VWC2L: variants seen among roughly 807,000 people sequenced by gnomAD.
The protein encoded by VWC2L is von Willebrand factor C domain-containing protein 2-like.
A neutral mutation model predicts 21.6 loss-of-function variants in VWC2L; 10 were observed. The ratio of observed to expected loss-of-function variants is 0.46; its 90% confidence interval spans 0.29 to 0.78. VWC2L has a LOEUF of 0.78. Among genes scored for constraint, VWC2L ranks in the 30% least tolerant of loss-of-function variants. The pLI, the probability that VWC2L is intolerant of heterozygous loss-of-function variation, is 0.10. For synonymous variants in VWC2L, 96 were observed against 94.3 expected, an observed-to-expected ratio of 1.02 and a Z score of -0.10; for missense variants, 209 against 277.1, an observed-to-expected ratio of 0.75 and a Z score of 1.74.
intron 3 of VWC2L, among the ~76,000 whole-genome samples, chr2:214,535,623 G>T (rs986456297): frequency 6.6e-6 from 1 of 152,006 alleles, no homozygotes; most frequent in Non-Finnish European, 1.5e-5. Context: ...TAAACAAAAG[G>T]GTGATCCTTA....
At chr2:214,512,053 A>C (rs972416687) in intron 3 of VWC2L, among the ~76,000 whole-genome samples, 4 of 151,990 alleles carry the variant, frequency 2.6e-5, no homozygotes, top group Admixed American at 2.0e-4. Flanking sequence ...CCTCTCTCAC[A>C]AATGGACTAT....
chr2:214,507,744 T>C (rs1009072753), intron 3 of VWC2L, among the ~76,000 whole-genome samples: 2 of 152,224 alleles, frequency 1.3e-5, no homozygotes, highest in Non-Finnish European at 2.9e-5. Flanking sequence ...ACAACCCGTA[T>C]TTCTATTGAA....
chr2:214,496,218 G>C (rs140781358), intron 3 of VWC2L, among the ~76,000 whole-genome samples: 1,038 of 102,546 alleles, frequency 0.01, 9 homozygotes, highest in Middle Eastern at 0.027. Flanking sequence ...CATAGATAAA[G>C]TACAATCAAA....
intron 3 of VWC2L, among the ~76,000 whole-genome samples, chr2:214,441,445 A>G (rs1186254706): frequency 6.6e-6 from 1 of 152,172 alleles, no homozygotes; most frequent in East Asian, 1.9e-4. Flanking sequence ...AAGGAGATAG[A>G]AATTAAAACA....
intron 2 of VWC2L, among the ~76,000 whole-genome samples, chr2:214,433,163 T>TATATATATATATATATATATA (rs1412425177): frequency 1.6e-4 from 8 of 49,792 alleles, no homozygotes; most frequent in Non-Finnish European, 2.2e-4. Context: ...CCACCTGATA[T>TATATATATATATATATATATA]ATATATATAT....
intron 3 of VWC2L, among the ~76,000 whole-genome samples, chr2:214,514,108 G>A (rs1284401360): frequency 6.6e-6 from 1 of 151,760 alleles, no homozygotes; most frequent in Non-Finnish European, 1.5e-5. Context: ...AGCACTAAAT[G>A]TAATGCCATG....
chr2:214,546,079 C>T (rs981784110), intron 3 of VWC2L, among the ~76,000 whole-genome samples: 3 of 151,986 alleles, frequency 2.0e-5, no homozygotes, highest in African/African-American at 7.3e-5. Context: ...TATTAGCATG[C>T]TTGGGGTTGA....
At chr2:214,418,941 C>T (rs1028955640) in intron 2 of VWC2L, among the ~76,000 whole-genome samples, 4 of 152,322 alleles carry the variant, frequency 2.6e-5, no homozygotes, top group East Asian at 3.9e-4. Flanking sequence ...ATCCCAGCAT[C>T]GCAATGACTA....
chr2:214,532,328 C>T (rs1319207339), intron 3 of VWC2L, among the ~76,000 whole-genome samples: 1 of 151,956 alleles, frequency 6.6e-6, no homozygotes, highest in Non-Finnish European at 1.5e-5. Context: ...TGATCTTTTG[C>T]TTTGCGCACA....
chr2:214,532,370 T>C (rs1207474566), intron 3 of VWC2L, among the ~76,000 whole-genome samples: 2 of 138,672 alleles, frequency 1.4e-5, no homozygotes, highest in African/African-American at 5.4e-5. Flanking sequence ...CACGCTTTTC[T>C]GATAAATGTA....
At chr2:214,516,093 T>A (rs1322496965) in intron 3 of VWC2L, among the ~76,000 whole-genome samples, 1 of 152,132 alleles carries the variant, frequency 6.6e-6, no homozygotes, top group African/African-American at 2.4e-5. Context: ...TCTATTATTT[T>A]CATCTCTTCC....
chr2:214,495,688 A>G (rs1007814447), intron 3 of VWC2L, among the ~76,000 whole-genome samples: 2 of 152,144 alleles, frequency 1.3e-5, no homozygotes, highest in Admixed American at 1.3e-4. Context: ...GTTCTATCAA[A>G]TAAATTATCT....
chr2:214,419,425 A>G (rs1490588745), intron 2 of VWC2L, among the ~76,000 whole-genome samples: 1 of 152,242 alleles, frequency 6.6e-6, no homozygotes, highest in Non-Finnish European at 1.5e-5. Flanking sequence ...CAGTATTTTT[A>G]TAACTCTGAT....
At chr2:214,551,216 A>G (rs1312000327) in intron 3 of VWC2L, among the ~76,000 whole-genome samples, 5 of 152,236 alleles carry the variant, frequency 3.3e-5, no homozygotes, top group African/African-American at 1.2e-4. Context: ...CATTCATAAC[A>G]TGCTGCAAGT....
chr2:214,419,336 G>GA (rs1702400010), intron 2 of VWC2L, among the ~76,000 whole-genome samples: 1 of 152,116 alleles, frequency 6.6e-6, no homozygotes, highest in South Asian at 2.1e-4. Flanking sequence ...GTTTCTACCA[G>GA]AAAAAGTTTA....
At chr2:214,463,216 T>C (rs1034198437) in intron 3 of VWC2L, among the ~76,000 whole-genome samples, 1 of 152,176 alleles carries the variant, frequency 6.6e-6, no homozygotes, top group African/African-American at 2.4e-5. Flanking sequence ...GGTATTGAAA[T>C]AATGAACTAT....
chr2:214,497,782 T>C (rs1175027721), intron 3 of VWC2L, among the ~76,000 whole-genome samples: 2 of 152,206 alleles, frequency 1.3e-5, no homozygotes, highest in African/African-American at 4.8e-5. Context: ...GGATTTATAT[T>C]CATAACAAAC....
chr2:214,536,784 C>T (rs1689538383), intron 3 of VWC2L: 1 of 152,058 alleles, frequency 6.6e-6, no homozygotes, highest in Non-Finnish European at 1.5e-5. Flanking sequence ...GCGTGATTTA[C>T]CAAAGGCTTG....
chr2:214,499,966 T>A (rs1688868679), intron 3 of VWC2L, among the ~76,000 whole-genome samples: 1 of 152,070 alleles, frequency 6.6e-6, no homozygotes, highest in Non-Finnish European at 1.5e-5. Flanking sequence ...GTAGATAGGA[T>A]AGTTGGGAAA....
Sources: allele counts gnomAD v4.1 joint callset (sites outside exome capture counted in the v4.1 genomes callset), GRCh38; gene constraint gnomAD v4.1.1; transcripts MANE v1.5; gene names NCBI Gene and HGNC (gene_info 2026-07-23, HGNC 2026-07-21).